Variants in ADAM10 observed in about 807,000 individuals in gnomAD.
ADAM10 encodes the protein ADAM metallopeptidase domain 10.
Under a neutral mutation model 90.1 loss-of-function variants are expected in ADAM10, and 17 were observed. The ratio of observed to expected loss-of-function variants is 0.19; its 90% CI spans 0.13 to 0.28. ADAM10 has a LOEUF of 0.28. ADAM10 is among the 10% of genes least tolerant of loss of function. The probability of loss-of-function intolerance (pLI) is 1.00; values close to 1 mark genes in which losing one functional copy is unlikely to be tolerated. For missense variants in ADAM10, 610 were observed against 914.3 expected (o/e 0.67, Z 4.29); for synonymous variants, 310 against 298.6 (o/e 1.04, Z -0.40).
rs1894849139 is a variant in ADAM10, at chr15:58,592,747, G to A, written c.*4800C>T. 1 of 136,070 alleles carries A rather than the reference G, an allele frequency of 7.3e-6. No individual in the cohort carries two copies. The highest frequency in any genetic ancestry group is 7.2e-5 in the Admixed American group (1 of 13,872). 8.4% of individuals were successfully genotyped at this position (136,070 alleles called of 1,614,324 possible). On this transcript the variant is annotated 3_prime_UTR_variant, in exon 16 of 16. Transcript: ENST00000260408. ...TGTGGATTTCTAAGGATGGGACTCTGATTTAATATATATATATATATATAT... is the reference window on the plus strand; with the variant it reads ...TGTGGATTTCTAAGGATGGGACTCTAATTTAATATATATATATATATATAT...
At chr15:58,723,251 G>C (rs1229117878) in intron 1 of ADAM10, among the ~76,000 whole-genome samples, 2 of 151,926 alleles carry the variant, frequency 1.3e-5, no homozygotes, top group African/African-American at 4.8e-5. Flanking sequence ...TGGGAGTCCT[G>C]GAATTCTCAA....
chr15:58,707,129 T>C (rs377431643), intron 2 of ADAM10, among the ~76,000 whole-genome samples: 2 of 149,682 alleles, frequency 1.3e-5, no homozygotes, highest in East Asian at 2.0e-4. Flanking sequence ...ACGCCTGTAA[T>C]CCCAGCACTC....
intron 1 of ADAM10, among the ~76,000 whole-genome samples, chr15:58,730,258 A>C (rs1325120951): frequency 6.6e-6 from 1 of 152,224 alleles, no homozygotes; most frequent in Admixed American, 6.5e-5. Flanking sequence ...CTGATGTCTC[A>C]GGCAATATAC....
intron 1 of ADAM10, among the ~76,000 whole-genome samples, chr15:58,731,411 G>A (rs1365705371): frequency 6.6e-6 from 1 of 151,914 alleles, no homozygotes; most frequent in East Asian, 1.9e-4. Flanking sequence ...TTAAACCCAG[G>A]AATTAGAGAC....
At position 58,669,248 on chromosome 15, in the gene ADAM10, C is replaced by T. The variant is rs192575675; in HGVS notation, c.485-4051G>A. Among the ~76,000 whole-genome samples the T allele has an allele frequency of 2.9e-4, 44 of 152,222 alleles. 1 individual carries two copies. The East Asian group carries it at 2.9e-3, about 10-fold the overall frequency. On this transcript the variant is annotated intron_variant, in intron 4 of 15. Transcript: ENST00000260408. ...CAACTTCCCAAGTGTTAAGGTCTCC[C>T]GGCAATCATCCACAGTTTATTAAAC... is the stretch of plus-strand genomic sequence containing the variant.
At chr15:58,651,889 C>T (rs553840610) in intron 5 of ADAM10, among the ~76,000 whole-genome samples, 48 of 152,222 alleles carry the variant, frequency 3.2e-4, no homozygotes, top group African/African-American at 1.1e-3. Flanking sequence ...TTTCCTTTTC[C>T]CCACATCCTC....
intron 12 of ADAM10, 35 bp from the exon 13 acceptor site, chr15:58,611,142 C>G (rs763444644): frequency 3.4e-6 from 5 of 1,490,942 alleles, no homozygotes; most frequent in Non-Finnish European, 4.7e-6. Flanking sequence ...TGTTTAATCC[C>G]TATACAGTCA....
Position 58,590,159 on chromosome 15 carries a change from G to A in ADAM10, c.*7388C>T, listed in dbSNP as rs530569288. ...TCATAAGGAATTCTCTGACCTTCCT[G>A]ATGTCCCACCCTCCTTTCTCAGTCC... On this transcript the variant is annotated 3_prime_UTR_variant, in exon 16 of 16. Coordinates refer to ENST00000260408, the MANE Select transcript of ADAM10 (RefSeq NM_001110.4). 6.6e-6 allele frequency: 1 copy of A among 152,066 alleles called. No individual in the cohort carries two copies. Among genetic ancestry groups the A allele is most frequent in the African/African-American group, 2.4e-5 (1 of 41,392 alleles). 9.4% of individuals were successfully genotyped at this position (152,066 alleles called of 1,614,324 possible).
At chr15:58,601,063 T>G (rs2140988472) in intron 14 of ADAM10, among the ~76,000 whole-genome samples, 1 of 152,274 alleles carries the variant, frequency 6.6e-6, no homozygotes, top group South Asian at 2.1e-4. Flanking sequence ...CACTTTTTCT[T>G]TGTGTACACA....
intron 8 of ADAM10, among the ~76,000 whole-genome samples, chr15:58,638,550 G>C (rs1343228366): frequency 6.7e-6 from 1 of 150,286 alleles, no homozygotes; most frequent in Non-Finnish European, 1.5e-5. Context: ...GGGAGGTGGA[G>C]GTTGCAGTGA....
chr15:58,615,098 C>T (rs1895567730), intron 11 of ADAM10, among the ~76,000 whole-genome samples: 1 of 151,980 alleles, frequency 6.6e-6, no homozygotes, highest in East Asian at 1.9e-4. Flanking sequence ...CACAGTGAAA[C>T]CCCATCTCTA....
intron 4 of ADAM10, among the ~76,000 whole-genome samples, chr15:58,667,229 G>C (rs1439169749): frequency 6.6e-6 from 1 of 152,042 alleles, no homozygotes. Flanking sequence ...TCCTCTGCCA[G>C]CCTCTTGCTT....
chr15:58,599,491 G>C, intron 15 of ADAM10, 107 bp downstream of exon 15: 1 of 1,328,716 alleles, frequency 7.5e-7, no homozygotes, highest in Non-Finnish European at 1.1e-6. Context: ...CCATTCTTAC[G>C]GAGAAAGTAC....
rs1206272326 is a variant in ADAM10, at chr15:58,595,522, C to A, written c.*2025G>T. On this transcript the variant is annotated 3_prime_UTR_variant, in exon 16 of 16. Transcript: ENST00000260408. ...GAACAAAAAAAGATACTGTATAAAACACAGTGGACATTAAAACTGACAGTA... is the reference window on the plus strand; with the variant it reads ...GAACAAAAAAAGATACTGTATAAAAAACAGTGGACATTAAAACTGACAGTA... 6.6e-6 allele frequency: 1 copy of A among 152,088 alleles called. No individual in the cohort carries two copies. The highest frequency in any genetic ancestry group is 1.9e-4 in the East Asian group (1 of 5,206). The allele number at this position is 152,088 out of a possible 1,614,324, so 9.4% of individuals were successfully genotyped here.
At chr15:58,599,841 A>G in intron 14 of ADAM10, 117 bp from the exon 15 acceptor site, 1 of 1,066,802 alleles carries the variant, frequency 9.4e-7, no homozygotes, top group Non-Finnish European at 1.4e-6. Flanking sequence ...TTTAAAGAAC[A>G]TTTGTTTAGG....
chr15:58,679,443 CACATA>C (rs1328748716), intron 3 of ADAM10, among the ~76,000 whole-genome samples, 161 bp from the exon 4 acceptor site: 11 of 152,000 alleles, frequency 7.2e-5, no homozygotes, highest in African/African-American at 2.7e-4. Context: ...TGGAAATTTT[CACATA>C]AAATATATCA....
chr15:58,613,808 A>G (rs1372173168), intron 11 of ADAM10, among the ~76,000 whole-genome samples: 1 of 152,132 alleles, frequency 6.6e-6, no homozygotes, highest in Non-Finnish European at 1.5e-5. Flanking sequence ...AAGTGAATAA[A>G]TTTTCATATT....
In ADAM10 at chr15:58,749,579, A is replaced by C; in HGVS notation, c.-45T>G. The C allele has an allele frequency of 6.5e-7, 1 of 1,548,188 alleles. No homozygotes were observed. The highest frequency in any genetic ancestry group is 8.7e-7 in the Non-Finnish European group (1 of 1,145,274). On this transcript the variant is annotated 5_prime_UTR_variant, in exon 1 of 16. Coordinates refer to ENST00000260408, the MANE Select transcript of ADAM10 (RefSeq NM_001110.4). Reference sequence around the variant, plus strand: ...CGCCGCCGCCTCCTCACGGGTTAACAGCAGCACATCGATCCGGAGGGAGAA... The same window carrying C: ...CGCCGCCGCCTCCTCACGGGTTAACCGCAGCACATCGATCCGGAGGGAGAA...
At chr15:58,674,615 T>C (rs770254960) in intron 4 of ADAM10, among the ~76,000 whole-genome samples, 2 of 152,252 alleles carry the variant, frequency 1.3e-5, no homozygotes, top group Admixed American at 6.5e-5. Flanking sequence ...TGTCTCTCCC[T>C]GTCACTAACA....
Sources: allele counts gnomAD v4.1 joint callset (sites outside exome capture counted in the v4.1 genomes callset), GRCh38; gene constraint gnomAD v4.1.1; transcripts MANE v1.5; gene names NCBI Gene and HGNC (gene_info 2026-07-23, HGNC 2026-07-21).